Variants in CLVS1 observed in about 807,000 individuals in gnomAD.
CLVS1 encodes clavesin 1, also known as clavesin-1.
CLVS1 carries 10 observed loss-of-function variants against 33.1 expected under a neutral mutation model. The ratio of observed to expected loss-of-function variants is 0.30; its 90% CI spans 0.19 to 0.51. The LOEUF is 0.51. Ranked by LOEUF, CLVS1 falls within the 20% of genes least tolerant of loss-of-function variation. The probability of loss-of-function intolerance (pLI) is 0.97; values close to 1 mark genes in which losing one functional copy is unlikely to be tolerated. For synonymous variants in CLVS1, 163 were observed against 166.1 expected (o/e 0.98, Z 0.14); for missense variants, 343 against 433.4 (o/e 0.79, Z 1.85).
intron 2 of CLVS1, among the ~76,000 whole-genome samples, chr8:61,326,722 A>G (rs1457216904): frequency 6.6e-6 from 1 of 152,208 alleles, no homozygotes; most frequent in African/African-American, 2.4e-5. Flanking sequence ...TATGGCATAA[A>G]GCAGATCATC....
intron 2 of CLVS1, among the ~76,000 whole-genome samples, chr8:61,260,777 A>G (rs182895441): frequency 2.1e-4 from 32 of 152,308 alleles, no homozygotes; most frequent in Non-Finnish European, 4.4e-4. Flanking sequence ...CTAACTTGAT[A>G]AGGGTCAGCT....
intron 1 of CLVS1, among the ~76,000 whole-genome samples, chr8:61,061,031 C>T (rs150516468): frequency 1.3e-5 from 2 of 152,344 alleles, no homozygotes; most frequent in African/African-American, 4.8e-5. Flanking sequence ...TGACCAGACT[C>T]TGTTACTCAG....
chr8:61,146,820 A>G (rs1585642985), intron 2 of CLVS1, among the ~76,000 whole-genome samples: 1 of 152,170 alleles, frequency 6.6e-6, no homozygotes, highest in Non-Finnish European at 1.5e-5. Context: ...GCATCCATAC[A>G]CATGTAAATA....
rs141136169 is a variant in CLVS1 at position 61,155,655 on chromosome 8, G to A, written c.-152+23795G>A. ...CATATTTTGATAAGCCTATTTAGAC[G>A]GGCTGCAAACCACAGGAATAGCTAT... On this transcript the variant is annotated intron_variant, in intron 2 of 2. Coordinates refer to the CLVS1 transcript ENST00000522621. Among the ~76,000 whole-genome samples the A allele has an allele frequency of 6.3e-4, 96 of 152,022 alleles. 2 individuals are homozygous for A. The highest frequency in any genetic ancestry group is 8.4e-4 in the Non-Finnish European group (57 of 67,974).
chr8:61,275,368 A>T (rs751215359), intron 2 of CLVS1, among the ~76,000 whole-genome samples: 5 of 152,134 alleles, frequency 3.3e-5, no homozygotes, highest in Non-Finnish European at 5.9e-5. Flanking sequence ...GAAAACTGTG[A>T]GTTAAGTAAT....
chr8:61,490,451 C>G (rs1423170308), intron 5 of CLVS1, among the ~76,000 whole-genome samples: 12 of 150,384 alleles, frequency 8.0e-5, no homozygotes, highest in African/African-American at 2.9e-4. Context: ...TGTGCATCAC[C>G]AGGTCAAGAG....
chr8:61,334,675 T>C (rs2129597574), intron 2 of CLVS1, among the ~76,000 whole-genome samples: 1 of 152,092 alleles, frequency 6.6e-6, no homozygotes, highest in Middle Eastern at 3.4e-3. Context: ...TAGGTTGCCA[T>C]GGTGATACAG....
At chr8:61,448,306 T>C (rs1654012068) in intron 3 of CLVS1, among the ~76,000 whole-genome samples, 2 of 152,150 alleles carry the variant, frequency 1.3e-5, no homozygotes, top group Non-Finnish European at 2.9e-5. Context: ...ATGGAAGTTT[T>C]CAGCCATTAT....
upstream of CLVS1, among the ~76,000 whole-genome samples, chr8:61,284,258 C>A (rs1253759740): frequency 6.6e-6 from 1 of 152,106 alleles, no homozygotes; most frequent in African/African-American, 2.4e-5. Context: ...GCCACAGATA[C>A]AAAATTACTG....
chr8:61,193,298 C>T (rs1013422214), intron 2 of CLVS1, among the ~76,000 whole-genome samples: 1 of 152,094 alleles, frequency 6.6e-6, no homozygotes, highest in Non-Finnish European at 1.5e-5. Context: ...CATGTTCTCA[C>T]TCATAGGTGG....
upstream of CLVS1, among the ~76,000 whole-genome samples, chr8:61,287,261 A>G (rs1563477758): frequency 6.6e-6 from 1 of 151,918 alleles, no homozygotes; most frequent in Non-Finnish European, 1.5e-5. Context: ...CGAGGTTGAT[A>G]TTAAAAAAAT....
At chr8:61,209,941 T>C (rs1214788624) in intron 2 of CLVS1, among the ~76,000 whole-genome samples, 1 of 152,198 alleles carries the variant, frequency 6.6e-6, no homozygotes, top group Non-Finnish European at 1.5e-5. Context: ...ACACTAAAGG[T>C]ATAGGAATTT....
upstream of CLVS1, among the ~76,000 whole-genome samples, chr8:61,053,662 A>C (rs1804423960): frequency 5.3e-5 from 8 of 152,198 alleles, no homozygotes; most frequent in South Asian, 1.7e-3. Context: ...CAGAGACGGG[A>C]CATGTGGCTC....
chr8:61,245,592 A>G lies in CLVS1; in HGVS notation c.-151-54085A>G, dbSNP rs1238513562. 2.0e-5 allele frequency among the ~76,000 whole-genome samples: 3 copies of G among 151,970 alleles called. No individual in the cohort carries two copies. In the South Asian group the frequency reaches 6.2e-4, roughly 32 times the overall value. ...GTCCATTTATATTGTATATAATTAC[A>G]GATATACTGGGGCAAACATCTTATA... On this transcript the variant is annotated intron_variant, in intron 2 of 2. Transcript: ENST00000522621.
chr8:61,284,999 TGGAATAG>T (rs2129593390), upstream of CLVS1, among the ~76,000 whole-genome samples: 1 of 152,294 alleles, frequency 6.6e-6, no homozygotes, highest in African/African-American at 2.4e-5. Context: ...GTGTGGCTAC[TGGAATAG>T]GGAATTGATT....
chr8:61,226,980 G>GTTTTTTTTTTTTTTTTTTTTTT (rs55718731), intron 2 of CLVS1, among the ~76,000 whole-genome samples: 3 of 132,310 alleles, frequency 2.3e-5, no homozygotes, highest in Admixed American at 7.6e-5. Context: ...ACGAAAACAT[G>GTTTTTTTTTTTTTTTTTTTTTT]TTTTTTTTTT....
In CLVS1 at chr8:61,365,241, A is replaced by G. The variant is rs1226578835; in HGVS notation, c.456-11364A>G. ...CATGAACCCAATGCAAGATCTATAAATGTTGGCCAGGTGCGTTGGCTCACG... is the reference window on the plus strand; with the variant it reads ...CATGAACCCAATGCAAGATCTATAAGTGTTGGCCAGGTGCGTTGGCTCACG... On this transcript the variant is annotated intron_variant, in intron 2 of 5. Transcript: ENST00000325897. Among the ~76,000 whole-genome samples, 3 of 152,276 alleles carry G rather than the reference A, an allele frequency of 2.0e-5. No individual in the cohort carries two copies. The South Asian group carries it at 6.2e-4, about 32-fold the overall frequency.
intron 3 of CLVS1, among the ~76,000 whole-genome samples, chr8:61,443,720 A>G (rs540967173): frequency 6.6e-6 from 1 of 152,280 alleles, no homozygotes; most frequent in East Asian, 1.9e-4. Context: ...TAACTATTCC[A>G]GGGCCTATGT....
At chr8:61,394,019 C>G (rs755802186) in intron 3 of CLVS1, among the ~76,000 whole-genome samples, 1 of 152,146 alleles carries the variant, frequency 6.6e-6, no homozygotes, top group Non-Finnish European at 1.5e-5. Context: ...ATCACCCTAC[C>G]CTTTTACCTC....
Sources: gnomAD v4.1 joint callset for allele counts (sites outside exome capture counted in the v4.1 genomes callset) on GRCh38, gnomAD v4.1.1 for gene constraint, MANE v1.5 for transcripts, NCBI Gene and HGNC (gene_info 2026-07-23, HGNC 2026-07-21) for gene names.